DPP6: variants seen among roughly 807,000 people sequenced by gnomAD.
DPP6 encodes A-type potassium channel modulatory protein DPP6.
A neutral mutation model predicts 122.6 loss-of-function variants in DPP6; 69 were observed. The observed-to-expected ratio is 0.56, with a 90% CI of 0.46 to 0.69. DPP6 has a LOEUF of 0.69. Among genes scored for constraint, DPP6 ranks in the 30% least tolerant of loss-of-function variants. DPP6 has a pLI of 0.00. For missense variants in DPP6, 928 were observed against 1,116.9 expected (o/e 0.83, Z 2.41); for synonymous variants, 418 against 433.1 (o/e 0.97, Z 0.43).
chr7:154,236,424 A>G (rs567924984), intron 1 of DPP6, among the ~76,000 whole-genome samples: 285 of 152,340 alleles, frequency 1.9e-3, no homozygotes, highest in Admixed American at 3.5e-3. Flanking sequence ...GCTCAGGTAA[A>G]CAATTTCCCC....
intron 1 of DPP6, among the ~76,000 whole-genome samples, chr7:153,910,234 C>CTTTTTTCTTTTCTTTT (rs750065238): frequency 7.3e-6 from 1 of 137,752 alleles, no homozygotes; most frequent in Non-Finnish European, 1.6e-5. Context: ...TTCTTTCTTT[C>CTTTTTTCTTTTCTTTT]TTTTTTTTTT....
At chr7:154,556,192 A>T (rs896558350) in intron 4 of DPP6, among the ~76,000 whole-genome samples, 2 of 152,248 alleles carry the variant, frequency 1.3e-5, no homozygotes, top group African/African-American at 4.8e-5. Context: ...TAATTACTTT[A>T]TTAAATTTGT....
chr7:153,769,070 G>A, the DPP6 span, among the ~76,000 whole-genome samples: 2 of 152,070 alleles, frequency 1.3e-5, no homozygotes, highest in Non-Finnish European at 2.9e-5. Flanking sequence ...TAGAAATTAT[G>A]GCTCTGATTT....
chr7:153,953,503 A>G (rs898901017), intron 1 of DPP6, among the ~76,000 whole-genome samples: 1 of 152,180 alleles, frequency 6.6e-6, no homozygotes, highest in African/African-American at 2.4e-5. Context: ...GTTCGGGGAA[A>G]GATCATGCCC....
chr7:154,674,172 G>A (rs539305254), intron 7 of DPP6, among the ~76,000 whole-genome samples: 37 of 152,176 alleles, frequency 2.4e-4, no homozygotes, highest in African/African-American at 8.2e-4. Flanking sequence ...CACTCTGCCC[G>A]GCCATCCATG....
chr7:154,828,370 G>C (rs940841), intron 16 of DPP6, among the ~76,000 whole-genome samples: 124,951 of 151,948 alleles, frequency 0.82, 51,500 homozygotes, highest in Non-Finnish European at 0.84. Flanking sequence ...CTGTGTGCCT[G>C]GCAAAGGAAT....
Position 154,761,087 on chromosome 7 carries a change from G to A in DPP6, c.884-8330G>A, listed in dbSNP as rs548481022. Among the ~76,000 whole-genome samples, 97 of 152,240 alleles carry A rather than the reference G, an allele frequency of 6.4e-4. 1 individual carries two copies. The highest frequency in any genetic ancestry group is 5.4e-3 in the South Asian group (26 of 4,816). ...TGACCTTAAGTGATCCACCCACCTTGGCCTCCCGAAGTGCTGAGATTATAG... is the reference window on the plus strand; with the variant it reads ...TGACCTTAAGTGATCCACCCACCTTAGCCTCCCGAAGTGCTGAGATTATAG... On this transcript the variant is annotated intron_variant, in intron 8 of 25. Coordinates refer to ENST00000377770, the MANE Select transcript of DPP6 (RefSeq NM_130797.4).
At chr7:154,370,235 G>A (rs1486755417) in intron 1 of DPP6, among the ~76,000 whole-genome samples, 4 of 152,012 alleles carry the variant, frequency 2.6e-5, no homozygotes, top group Non-Finnish European at 5.9e-5. Flanking sequence ...TGCCTGCCTC[G>A]GCCTCCCAAA....
rs1362252192 is a variant in DPP6, at chr7:154,821,645, T to TATATACACAC, written c.1666+14534_1666+14535insTATACACACA. 2.5e-4 allele frequency among the ~76,000 whole-genome samples: 29 copies of TATATACACAC among 115,152 alleles called. No homozygotes were observed. Among genetic ancestry groups the TATATACACAC allele is most frequent in the Non-Finnish European group, 4.3e-4 (24 of 55,870 alleles). 75.5% of individuals were successfully genotyped at this position (115,152 alleles called of 152,430 possible). On this transcript the variant is annotated intron_variant, in intron 16 of 25. Coordinates refer to ENST00000377770, the MANE Select transcript of DPP6 (RefSeq NM_130797.4). The surrounding 1 kb of genome is among the most constrained non-coding windows in gnomAD (Gnocchi z 4.2). ...TTTTTTCTGTATATATATATATATA[T>TATATACACAC]ACACATATATATATATATACACATA...
At chr7:154,042,521 G>C (rs1799816909) in intron 1 of DPP6, among the ~76,000 whole-genome samples, 1 of 152,154 alleles carries the variant, frequency 6.6e-6, no homozygotes, top group Non-Finnish European at 1.5e-5. Context: ...TACAAACGTA[G>C]GATTATTTCT....
chr7:154,596,467 C>T (rs932785536), intron 5 of DPP6, among the ~76,000 whole-genome samples: 2 of 152,240 alleles, frequency 1.3e-5, no homozygotes, highest in South Asian at 2.1e-4. Flanking sequence ...TTTGAGAAAA[C>T]GTGAAAGGAT....
the DPP6 span, among the ~76,000 whole-genome samples, chr7:153,774,021 A>G: frequency 1.3e-5 from 2 of 152,308 alleles, no homozygotes; most frequent in Admixed American, 6.5e-5. Flanking sequence ...TTAAATGAAC[A>G]ATTCTATGCC....
intron 1 of DPP6, among the ~76,000 whole-genome samples, chr7:154,061,385 T>C (rs1801848752): frequency 6.8e-6 from 1 of 147,032 alleles, no homozygotes; most frequent in Non-Finnish European, 1.5e-5. Context: ...CAGCTGGACT[T>C]TTAACCCAAA....
At chr7:154,404,488 C>T (rs372741767) in intron 1 of DPP6, among the ~76,000 whole-genome samples, 6 of 152,220 alleles carry the variant, frequency 3.9e-5, no homozygotes, top group Non-Finnish European at 7.4e-5. Flanking sequence ...CTTTGAGCTA[C>T]GGGAGTGCCC....
intron 1 of DPP6, among the ~76,000 whole-genome samples, chr7:154,434,216 C>T (rs1283910224): frequency 6.6e-6 from 1 of 152,184 alleles, no homozygotes; most frequent in Non-Finnish European, 1.5e-5. Context: ...AGTTTCGCTA[C>T]TTAAAGTGCA....
chr7:154,448,706 A>G (rs1017171969), intron 2 of DPP6, among the ~76,000 whole-genome samples: 3 of 152,244 alleles, frequency 2.0e-5, no homozygotes, highest in Non-Finnish European at 4.4e-5. Flanking sequence ...ATATGGTACT[A>G]GGATAGGTAT....
At chr7:154,752,970 G>A (rs540465810) in intron 8 of DPP6, among the ~76,000 whole-genome samples, 4 of 152,064 alleles carry the variant, frequency 2.6e-5, no homozygotes, top group Non-Finnish European at 5.9e-5. Flanking sequence ...TGCCCTGTGC[G>A]GGGCTGTTTG....
chr7:154,874,741 G>A (rs958376765), intron 19 of DPP6, among the ~76,000 whole-genome samples: 3 of 152,206 alleles, frequency 2.0e-5, no homozygotes, highest in South Asian at 2.1e-4. Flanking sequence ...GCTCCCTGCT[G>A]TTCCAGGGAG....
At chr7:154,007,121 C>T (rs1563094892) in intron 1 of DPP6, among the ~76,000 whole-genome samples, 1 of 152,204 alleles carries the variant, frequency 6.6e-6, no homozygotes, top group African/African-American at 2.4e-5. Context: ...ATGGGGAGGA[C>T]TGTGAGTGGT....
Sources: allele counts gnomAD v4.1 joint callset (sites outside exome capture counted in the v4.1 genomes callset), GRCh38; gene constraint gnomAD v4.1.1; non-coding constraint Gnocchi (gnomAD v3.1); transcripts MANE v1.5; gene names NCBI Gene and HGNC (gene_info 2026-07-23, HGNC 2026-07-21).